Variants in TNS3 observed in about 807,000 individuals in gnomAD.
TNS3 encodes the protein tensin-3.
TNS3 carries 45 observed loss-of-function variants against 140.9 expected under a neutral mutation model. The observed-to-expected ratio is 0.32, with a 90% CI of 0.25 to 0.41. TNS3 has a LOEUF of 0.41. Ranked by LOEUF, TNS3 falls within the 10% of genes least tolerant of loss-of-function variation. TNS3 has a pLI of 1.00. For synonymous variants in TNS3, 815 were observed against 788.4 expected, an observed-to-expected ratio of 1.03 and a Z score of -0.56; for missense variants, 1,716 against 1,906.7, an observed-to-expected ratio of 0.90 and a Z score of 1.86.
rs534920855 is a variant in TNS3, at chr7:47,470,237, A to G, written c.-76+10866T>C. ...GTGAGGAGAGTGGGAGAGGGACGTG[A>G]ATTGAAAAACCACCTATTGGGTACT... is the stretch of plus-strand genomic sequence containing the variant. On this transcript the variant is annotated intron_variant, in intron 4 of 30. Coordinates refer to ENST00000311160, the MANE Select transcript of TNS3 (RefSeq NM_022748.12). 1.4e-3 allele frequency among the ~76,000 whole-genome samples: 217 copies of G among 152,302 alleles called. 1 individual carries two copies. Among genetic ancestry groups the G allele is most frequent in the South Asian group, 6.8e-3 (33 of 4,818 alleles).
rs1213894548 is a variant in TNS3, at chr7:47,292,003, G to A, written c.3880C>T (p.Pro1294Ser). The A allele has an allele frequency of 8.7e-6, 14 of 1,614,040 alleles. No homozygotes were observed. The highest frequency in any genetic ancestry group is 1.2e-5 in the Non-Finnish European group (14 of 1,180,042). The change falls in exon 27 of 31, where the codon CCC (proline) becomes TCC (serine). Residue 1294 changes from proline (P) to serine (S), a missense_variant. Pro to Ser is a moderately conservative substitution (Grantham distance 74). This residue lies in a region of TNS3 where 216 missense variants were observed against 295.7 expected (regional missense o/e 0.73). Transcript: ENST00000311160. Reference protein sequence around the residue: ...DPLEEIAESSPQTAANSAAEL... With the variant: ...DPLEEIAESSSQTAANSAAEL... The stretch of plus-strand genomic sequence containing the variant: ...GCTGCTGAATTGGCTGCCGTCTGGG[G>A]AGAACTTTCTGCTATTTCCTCCAAT...
intron 28 of TNS3, among the ~76,000 whole-genome samples, chr7:47,281,044 G>A (rs569536148): frequency 1.6e-4 from 24 of 152,256 alleles, no homozygotes; most frequent in East Asian, 7.7e-4. Context: ...TCCAGGCTCC[G>A]AGCCTTGGTT....
intron 20 of TNS3, among the ~76,000 whole-genome samples, chr7:47,338,854 A>G (rs1405361049): frequency 6.6e-6 from 1 of 152,106 alleles, no homozygotes; most frequent in African/African-American, 2.4e-5. Context: ...TTGGGTGTAT[A>G]TCCGGTAATG....
chr7:47,493,127 A>G (rs1207666017), intron 3 of TNS3, among the ~76,000 whole-genome samples: 2 of 152,226 alleles, frequency 1.3e-5, no homozygotes, highest in Admixed American at 6.5e-5. Context: ...CAGATCTCGA[A>G]TAAAACCACC....
At chr7:47,400,548 G>T in intron 14 of TNS3, 90 bp from the exon 15 acceptor site, 1 of 1,355,884 alleles carries the variant, frequency 7.4e-7, no homozygotes, top group Non-Finnish European at 1.0e-6. Context: ...AACCAGTACA[G>T]CACCACTCCC....
At chr7:47,340,036 CAT>C (rs1261948934) in intron 20 of TNS3, among the ~76,000 whole-genome samples, 5 of 116,034 alleles carry the variant, frequency 4.3e-5, no homozygotes, top group East Asian at 2.6e-4. Flanking sequence ...TATATGTATA[CAT>C]ATGTGTATAT....
intron 3 of TNS3, among the ~76,000 whole-genome samples, chr7:47,485,585 G>T (rs1409591650): frequency 6.6e-6 from 1 of 152,252 alleles, no homozygotes; most frequent in African/African-American, 2.4e-5. Flanking sequence ...GCTACAGAAG[G>T]CTGGAGAGAA....
Position 47,277,725 on chromosome 7 carries a change from C to T in TNS3, c.*351G>A, listed in dbSNP as rs1784929762. ...CAAGGGCTGGGGATTCCTCATCCCC[C>T]GGAATGCTAGTGTGCCAGGGACATG... On this transcript the variant is annotated 3_prime_UTR_variant, in exon 31 of 31. Transcript: ENST00000311160. The T allele has an allele frequency of 2.9e-6, 1 of 343,136 alleles. No homozygotes were observed. The highest frequency in any genetic ancestry group is 5.6e-6 in the Non-Finnish European group (1 of 179,168). 21.3% of individuals were successfully genotyped at this position (343,136 alleles called of 1,614,324 possible). A position where few individuals can be genotyped will look rare whatever the true frequency, so the allele number is the denominator to read the frequency against.
intron 20 of TNS3, among the ~76,000 whole-genome samples, chr7:47,344,039 A>C (rs904006863): frequency 6.6e-5 from 10 of 152,292 alleles, no homozygotes; most frequent in African/African-American, 2.2e-4. Context: ...AGCCTTCACT[A>C]GGGCAAAAAA....
rs781378810 is a variant in TNS3, at chr7:47,424,191, G to A, written c.390-7C>T. 9.3e-6 allele frequency: 15 copies of A among 1,613,686 alleles called. No individual in the cohort carries two copies. Among genetic ancestry groups the A allele is most frequent in the African/African-American group, 2.7e-5 (2 of 74,912 alleles). On this transcript the variant is annotated splice_polypyrimidine_tract_variant and splice_region_variant and intron_variant, in intron 9 of 30. Transcript: ENST00000311160. ...GTCAAGGGCCTGGTCGGCGCTGAAG[G>A]GGAGAGAGAGAGAAAGAGAGTTAAC...
At chr7:47,438,513 G>A (rs1245181544) in intron 6 of TNS3, among the ~76,000 whole-genome samples, 1 of 152,192 alleles carries the variant, frequency 6.6e-6, no homozygotes. Context: ...CCTGGTGAGA[G>A]GCACCACCAT....
intron 17 of TNS3, among the ~76,000 whole-genome samples, chr7:47,350,433 C>T (rs936842105): frequency 3.3e-5 from 5 of 152,162 alleles, no homozygotes; most frequent in Non-Finnish European, 5.9e-5. Context: ...GGTGCATTTC[C>T]AAAGGGTCTG....
chr7:47,528,317 G>T (rs544289889), intron 2 of TNS3, among the ~76,000 whole-genome samples: 2 of 152,280 alleles, frequency 1.3e-5, no homozygotes, highest in East Asian at 3.9e-4. Flanking sequence ...GAGGCACTGA[G>T]GGGGAGGTCC....
intron 2 of TNS3, among the ~76,000 whole-genome samples, chr7:47,515,859 G>A (rs1798762147): frequency 6.6e-6 from 1 of 152,172 alleles, no homozygotes; most frequent in African/African-American, 2.4e-5. Flanking sequence ...GAGCTCCTCA[G>A]TGTTCTTTGT....
chr7:47,287,433 T>C (rs76312048), intron 27 of TNS3, among the ~76,000 whole-genome samples: 345 of 152,334 alleles, frequency 2.3e-3, no homozygotes, highest in South Asian at 4.3e-3. Context: ...AAATTGGACA[T>C]GATCATCTCA....
intron 20 of TNS3, among the ~76,000 whole-genome samples, chr7:47,344,194 C>T (rs926483366): frequency 2.0e-5 from 3 of 152,192 alleles, no homozygotes; most frequent in African/African-American, 7.2e-5. Context: ...AGAAGAAGTG[C>T]ACAGTAACTC....
intron 27 of TNS3, among the ~76,000 whole-genome samples, chr7:47,291,536 C>T (rs922220929): frequency 1.3e-5 from 2 of 152,032 alleles, no homozygotes; most frequent in Admixed American, 6.6e-5. Flanking sequence ...CTCTGTCTGG[C>T]GAGCTGGTTC....
Position 47,345,024 on chromosome 7 carries a change from G to A in TNS3, c.2466C>T (p.Gly822=). 1 of 1,613,588 alleles carries A rather than the reference G, an allele frequency of 6.2e-7. No homozygotes were observed. Among genetic ancestry groups the A allele is most frequent in the Non-Finnish European group, 8.5e-7 (1 of 1,179,720 alleles). The part of the protein sequence containing the change: ...PADVKETMTP[G]YPQDLDIIDG... ...CGATAATATCGAGGTCCTGGGGATA[G>A]CCAGGGGTCATCGTCTGAAATTGGC... The change falls in exon 19 of 31, where the codon GGC becomes GGT. Residue 822 remains glycine (G), a synonymous_variant. Transcript: ENST00000311160.
At chr7:47,579,795 T>C (rs923587919) in intron 1 of TNS3, 3 of 979,506 alleles carry the variant, frequency 3.1e-6, no homozygotes, top group Non-Finnish European at 3.6e-6. Flanking sequence ...CCTAAGCAGA[T>C]ATAAGCTGCG....
Sources: gnomAD v4.1 joint callset for allele counts (sites outside exome capture counted in the v4.1 genomes callset) on GRCh38, gnomAD v4.1.1 for gene constraint, gnomAD v4.1.1 regional missense constraint, MANE v1.5 for transcripts, NCBI Gene and HGNC (gene_info 2026-07-23, HGNC 2026-07-21) for gene names.